The following RYR2 variants were observed in gnomAD, a reference collection of about 807,000 sequenced individuals.
The protein encoded by RYR2 is cardiac muscle ryanodine receptor-calcium release channel.
Under a neutral mutation model 601.1 loss-of-function variants are expected in RYR2, and 227 were observed. The ratio of observed to expected loss-of-function variants is 0.38; its 90% CI spans 0.34 to 0.42. The LOEUF is 0.42. Ranked by LOEUF, RYR2 falls within the 10% of genes least tolerant of loss-of-function variation. The pLI is 1.00. For synonymous variants in RYR2, 2,223 were observed against 2,175.1 expected, an observed-to-expected ratio of 1.02 and a Z score of -0.61; for missense variants, 4,646 against 6,156.5, an observed-to-expected ratio of 0.75 and a Z score of 8.21.
Position 237,784,128 on chromosome 1 carries a change from TG to T in RYR2, c.12419del (p.Gly4140GlufsTer51). On this transcript the variant is annotated frameshift_variant, in exon 90 of 105. Coordinates refer to ENST00000366574, the MANE Select transcript of RYR2 (RefSeq NM_001035.3). LOFTEE classifies it high-confidence loss of function. This position sits in a 1 kb window ranked among gnomAD's most constrained non-coding sequence, Gnocchi z 7.1. ...FQPFLGRIEI[M>X]GSAKRIERVY... ...CCCTTTCTGGGCCGCATCGAAATCA[TG>T]GGAAGCGCCAAACGCATCGAGAGGG... 1 of 1,613,982 alleles carries T rather than the reference TG, an allele frequency of 6.2e-7. No homozygotes were observed. Among genetic ancestry groups the T allele is most frequent in the Non-Finnish European group, 8.5e-7 (1 of 1,179,880 alleles).
At chr1:237,173,048 A>G (rs1399013059) in intron 1 of RYR2, among the ~76,000 whole-genome samples, 2 of 152,190 alleles carry the variant, frequency 1.3e-5, no homozygotes, top group Non-Finnish European at 2.9e-5. Context: ...TAAGGTTGTT[A>G]TTATTATTAC....
At chr1:237,252,432 C>G (rs909122351) in intron 1 of RYR2, among the ~76,000 whole-genome samples, 7 of 152,102 alleles carry the variant, frequency 4.6e-5, no homozygotes, top group Non-Finnish European at 1.0e-4. Context: ...GTAATATATC[C>G]ACCTTGATCC....
intron 58 of RYR2, among the ~76,000 whole-genome samples, chr1:237,672,297 T>C (rs1032706566): frequency 6.6e-6 from 1 of 152,156 alleles, no homozygotes; most frequent in Middle Eastern, 3.4e-3. Flanking sequence ...TCTCCCCACT[T>C]CCCCCACAGT....
At chr1:237,579,017 G>A (rs1206184612) in intron 29 of RYR2, among the ~76,000 whole-genome samples, 2 of 134,844 alleles carry the variant, frequency 1.5e-5, no homozygotes, top group African/African-American at 2.8e-5. Flanking sequence ...TATCAGCTTA[G>A]AGGGAAAAAA....
chr1:237,334,203 G>A (rs1263264470), intron 3 of RYR2, among the ~76,000 whole-genome samples: 2 of 151,972 alleles, frequency 1.3e-5, no homozygotes, highest in African/African-American at 4.8e-5. Context: ...AATGGTTAAG[G>A]AAACTTAGCA....
At chr1:237,717,891 T>C (rs552714376) in intron 72 of RYR2, among the ~76,000 whole-genome samples, 51 of 152,340 alleles carry the variant, frequency 3.3e-4, no homozygotes, top group African/African-American at 1.1e-3. Flanking sequence ...ATTTTGTACA[T>C]TGGAATTTCT....
intron 1 of RYR2, among the ~76,000 whole-genome samples, chr1:237,208,575 G>C (rs1480703399): frequency 6.6e-6 from 1 of 151,970 alleles, no homozygotes; most frequent in East Asian, 1.9e-4. Flanking sequence ...CTTTATGGTG[G>C]CATAATTGTC....
intron 10 of RYR2, among the ~76,000 whole-genome samples, chr1:237,406,291 G>C (rs997780092): frequency 6.8e-6 from 1 of 147,346 alleles, no homozygotes; most frequent in East Asian, 2.0e-4. Context: ...TTTGGTGTTC[G>C]TGTCTTTCTT....
Position 237,381,528 on chromosome 1 carries a change from C to G in RYR2, c.576+4093C>G, listed in dbSNP as rs57945670. ...TTTACAACTCCTTGGTGATCAGTGT[C>G]TATTGACCGATGAGCGATTTTTCTT... On this transcript the variant is annotated intron_variant, in intron 8 of 104. Transcript: ENST00000366574. Among the ~76,000 whole-genome samples the G allele has an allele frequency of 6.2e-3, 942 of 152,302 alleles. 16 individuals carry two copies. Among genetic ancestry groups the G allele is most frequent in the African/African-American group, 0.02 (848 of 41,548 alleles).
intron 1 of RYR2, among the ~76,000 whole-genome samples, chr1:237,048,142 T>C (rs1286524609): frequency 6.6e-6 from 1 of 152,198 alleles, no homozygotes; most frequent in East Asian, 1.9e-4. Context: ...TGCTGATCAG[T>C]GGCACTGCCG....
At chr1:237,213,094 T>C (rs1682770281) in intron 1 of RYR2, among the ~76,000 whole-genome samples, 1 of 151,932 alleles carries the variant, frequency 6.6e-6, no homozygotes, top group Admixed American at 6.6e-5. Context: ...TTATTAACCA[T>C]TTTTACTTGC....
intron 12 of RYR2, 67 bp from the exon 13 acceptor site, chr1:237,441,252 A>C (rs537230970): frequency 6.4e-7 from 1 of 1,573,550 alleles, no homozygotes; most frequent in Non-Finnish European, 8.7e-7. Flanking sequence ...AATAAGGCAA[A>C]ATTCTATTGC....
intron 1 of RYR2, among the ~76,000 whole-genome samples, chr1:237,222,288 C>T (rs1572254848): frequency 6.6e-6 from 1 of 152,092 alleles, no homozygotes; most frequent in Non-Finnish European, 1.5e-5. Flanking sequence ...TGGCAGGCGC[C>T]TGTAGTCCCA....
chr1:237,210,480 T>C (rs1682452781), intron 1 of RYR2, among the ~76,000 whole-genome samples: 1 of 152,190 alleles, frequency 6.6e-6, no homozygotes, highest in Non-Finnish European at 1.5e-5. Flanking sequence ...GTCTCATTTC[T>C]TGTATCTCTC....
intron 3 of RYR2, 52 bp from the exon 4 acceptor site, chr1:237,355,913 A>T: frequency 6.6e-7 from 1 of 1,511,368 alleles, no homozygotes; most frequent in South Asian, 1.2e-5. Flanking sequence ...TAATTGAAAC[A>T]TTGCTAGGTA....
intron 7 of RYR2, among the ~76,000 whole-genome samples, chr1:237,375,056 C>T (rs1572036546): frequency 6.6e-6 from 1 of 152,142 alleles, no homozygotes. Context: ...ATATTTACTA[C>T]ATGATTTACT....
In RYR2 at chr1:237,514,107, T is replaced by C. The variant is rs145581797; in HGVS notation, c.2822+2316T>C. 3.0e-3 allele frequency among the ~76,000 whole-genome samples: 455 copies of C among 152,372 alleles called. 2 individuals are homozygous for C. Among genetic ancestry groups the C allele is most frequent in the Admixed American group, 7.3e-3 (112 of 15,306 alleles). On this transcript the variant is annotated intron_variant, in intron 24 of 104. Coordinates refer to ENST00000366574, the MANE Select transcript of RYR2 (RefSeq NM_001035.3). Reference sequence around the variant, plus strand: ...CTGATCTTCCTTTGCGCTCTTGACATGAGGCTTGTATATTTAGCTTAGTAA... The same window carrying C: ...CTGATCTTCCTTTGCGCTCTTGACACGAGGCTTGTATATTTAGCTTAGTAA...
intron 1 of RYR2, among the ~76,000 whole-genome samples, chr1:237,126,283 C>T (rs550105094): frequency 6.6e-6 from 1 of 151,850 alleles, no homozygotes; most frequent in African/African-American, 2.4e-5. Context: ...CCTGTGGTGG[C>T]CATGGAGGTG....
At chr1:237,264,598 A>T (rs1311874183) in intron 1 of RYR2, among the ~76,000 whole-genome samples, 1 of 152,148 alleles carries the variant, frequency 6.6e-6, no homozygotes, top group Non-Finnish European at 1.5e-5. Flanking sequence ...TCATTCAACT[A>T]CTATTGATTG....
Sources: allele counts gnomAD v4.1 joint callset (sites outside exome capture counted in the v4.1 genomes callset), GRCh38; gene constraint gnomAD v4.1.1; non-coding constraint Gnocchi (gnomAD v3.1); transcripts MANE v1.5; gene names NCBI Gene and HGNC (gene_info 2026-07-23, HGNC 2026-07-21).